Variants in PKNOX2 observed in about 807,000 individuals in gnomAD.
PKNOX2 encodes PBX/knotted 1 homeobox 2, also known as homeobox protein PKNOX2.
Under a neutral mutation model 53.1 loss-of-function variants are expected in PKNOX2, and 14 were observed. That is an observed-to-expected ratio of 0.26 (90% CI 0.17 to 0.41). The LOEUF (loss-of-function observed/expected upper bound fraction) is 0.41. Ranked by LOEUF, PKNOX2 falls within the 10% of genes least tolerant of loss-of-function variation. PKNOX2 has a pLI of 1.00. For missense variants in PKNOX2, 496 were observed against 602.8 expected, an observed-to-expected ratio of 0.82 and a Z score of 1.85; for synonymous variants, 257 against 242.8, an observed-to-expected ratio of 1.06 and a Z score of -0.54.
intron 5 of PKNOX2, among the ~76,000 whole-genome samples, chr11:125,384,993 T>G (rs1242769569): frequency 6.6e-6 from 1 of 152,054 alleles, no homozygotes; most frequent in Non-Finnish European, 1.5e-5. Context: ...CTAAACTGAG[T>G]CTACCAAGAC....
At chr11:125,200,323 C>T (rs527330820) in intron 1 of PKNOX2, among the ~76,000 whole-genome samples, 35 of 152,322 alleles carry the variant, frequency 2.3e-4, no homozygotes, top group African/African-American at 8.4e-4. Context: ...ATTTCCTCCC[C>T]CTACACCTTA....
At position 125,378,312 on chromosome 11, in the gene PKNOX2, C is replaced by T. The variant is rs529291358; in HGVS notation, c.228-7239C>T. ...TCACCCCACCCCACCGGCCAACAGC[C>T]TTGTGTCCTCTGAGCAGTGGGACCC... On this transcript the variant is annotated intron_variant, in intron 5 of 12. Transcript: ENST00000298282. Among the ~76,000 whole-genome samples the T allele has an allele frequency of 2.5e-3, 387 of 152,336 alleles. 3 individuals are homozygous for T. Among genetic ancestry groups the T allele is most frequent in the African/African-American group, 8.9e-3 (371 of 41,574 alleles).
rs1002951601 is a variant in PKNOX2 at position 125,276,598 on chromosome 11, G to A, written c.-130+41483G>A. 3.3e-5 allele frequency among the ~76,000 whole-genome samples: 5 copies of A among 152,258 alleles called. No individual in the cohort carries two copies. In the East Asian group the frequency reaches 5.8e-4, roughly 18 times the overall value. On this transcript the variant is annotated intron_variant, in intron 2 of 12. Coordinates refer to ENST00000298282, the MANE Select transcript of PKNOX2 (RefSeq NM_001382323.2). ...TAAAGGGCTTGTTGATGGGAAGATG[G>A]GGTAGTTCTCATCTTATAGAAATCT...
At chr11:125,191,657 G>A (rs1406432719) in intron 1 of PKNOX2, among the ~76,000 whole-genome samples, 2 of 152,100 alleles carry the variant, frequency 1.3e-5, no homozygotes, top group East Asian at 1.9e-4. Flanking sequence ...TGTGGTTGGG[G>A]TGGGGTGCAT....
intron 1 of PKNOX2, among the ~76,000 whole-genome samples, chr11:125,223,949 C>A (rs1356588527): frequency 6.6e-6 from 1 of 152,238 alleles, no homozygotes; most frequent in Non-Finnish European, 1.5e-5. Flanking sequence ...TTATTTTAAG[C>A]CACAGGAAGG....
intron 10 of PKNOX2, among the ~76,000 whole-genome samples, chr11:125,426,577 A>G (rs1956436573): frequency 1.4e-5 from 2 of 146,264 alleles, no homozygotes; most frequent in African/African-American, 4.9e-5. Flanking sequence ...CAATCCTTCA[A>G]CGTTGGCCTC....
At chr11:125,188,641 C>T (rs1956598959) in intron 1 of PKNOX2, among the ~76,000 whole-genome samples, 1 of 152,030 alleles carries the variant, frequency 6.6e-6, no homozygotes, top group African/African-American at 2.4e-5. Context: ...CAACTTTTGT[C>T]CTATTGCAAA....
intron 1 of PKNOX2, among the ~76,000 whole-genome samples, chr11:125,194,981 A>T (rs7927951): frequency 0.15 from 22,285 of 152,004 alleles, 1,728 homozygotes; most frequent in African/African-American, 0.19. Context: ...GGCGGGCTCT[A>T]TTGTTATCCT....
intron 2 of PKNOX2, among the ~76,000 whole-genome samples, chr11:125,253,182 A>C (rs773137138): frequency 3.9e-5 from 6 of 152,222 alleles, no homozygotes; most frequent in Non-Finnish European, 8.8e-5. Flanking sequence ...GATAGCAATA[A>C]AAATCTTAAT....
intron 6 of PKNOX2, among the ~76,000 whole-genome samples, chr11:125,394,416 C>T (rs927015434): frequency 6.6e-6 from 1 of 152,216 alleles, no homozygotes; most frequent in Admixed American, 6.5e-5. Flanking sequence ...TGACGACACA[C>T]AATCGCTGCT....
intron 4 of PKNOX2, among the ~76,000 whole-genome samples, chr11:125,359,715 G>A (rs1412445839): frequency 6.6e-6 from 1 of 152,090 alleles, no homozygotes; most frequent in Non-Finnish European, 1.5e-5. Flanking sequence ...CAGCCCTGCC[G>A]GGCCCGCCTG....
chr11:125,297,308 A>G (rs1192426101), intron 2 of PKNOX2, among the ~76,000 whole-genome samples: 2 of 152,216 alleles, frequency 1.3e-5, no homozygotes, highest in Non-Finnish European at 2.9e-5. Flanking sequence ...TCATTCACTG[A>G]TCCATAAAAT....
intron 2 of PKNOX2, among the ~76,000 whole-genome samples, chr11:125,326,562 G>T (rs1009784548): frequency 6.6e-6 from 1 of 152,220 alleles, no homozygotes; most frequent in Non-Finnish European, 1.5e-5. Context: ...CCATAAACAA[G>T]TCGATGAATT....
intron 10 of PKNOX2, among the ~76,000 whole-genome samples, chr11:125,423,324 C>T (rs766604604): frequency 6.6e-6 from 1 of 152,134 alleles, no homozygotes; most frequent in Non-Finnish European, 1.5e-5. Flanking sequence ...ACCGGTGTGC[C>T]TTAATGGACT....
At chr11:125,317,448 T>C (rs758964006) in intron 2 of PKNOX2, among the ~76,000 whole-genome samples, 37 of 152,224 alleles carry the variant, frequency 2.4e-4, no homozygotes, top group Non-Finnish European at 5.4e-4. Context: ...TCTTAAATAA[T>C]AAGACATGAA....
At chr11:125,393,175 A>AT (rs971910897) in intron 6 of PKNOX2, among the ~76,000 whole-genome samples, 2 of 142,834 alleles carry the variant, frequency 1.4e-5, no homozygotes, top group African/African-American at 4.9e-5. Flanking sequence ...AAAAAAAAAA[A>AT]GAGAGAAGAG....
At chr11:125,247,604 T>C (rs1218226106) in intron 2 of PKNOX2, among the ~76,000 whole-genome samples, 1 of 152,188 alleles carries the variant, frequency 6.6e-6, no homozygotes, top group Non-Finnish European at 1.5e-5. Flanking sequence ...ATGCTTGTTT[T>C]GTTGGACAAC....
intron 4 of PKNOX2, among the ~76,000 whole-genome samples, chr11:125,355,306 G>C (rs1951546045): frequency 6.7e-6 from 1 of 149,556 alleles, no homozygotes. Flanking sequence ...AAGAAAGAAA[G>C]TGCAAAAGCA....
rs190933867 is a variant in PKNOX2, at chr11:125,266,168, G to C, written c.-130+31053G>C. On this transcript the variant is annotated intron_variant, in intron 2 of 12. Transcript: ENST00000298282. ...TGACAATGGCTGGCTTGGAAGAGTA[G>C]CTCAGAAAGCACGAGCAGAGAGGAA... 1.7e-4 allele frequency among the ~76,000 whole-genome samples: 26 copies of C among 152,302 alleles called. No homozygotes were observed. The East Asian group carries it at 4.8e-3, about 28-fold the overall frequency.
Sources: gnomAD v4.1 joint callset for allele counts (sites outside exome capture counted in the v4.1 genomes callset) on GRCh38, gnomAD v4.1.1 for gene constraint, MANE v1.5 for transcripts, NCBI Gene and HGNC (gene_info 2026-07-23, HGNC 2026-07-21) for gene names.